The following CUX1 variants were observed in gnomAD, a reference collection of about 807,000 sequenced individuals.
CUX1 encodes cut like homeobox 1.
In CUX1, 31 loss-of-function variants were observed where a neutral mutation model predicts 158.8. That is an observed-to-expected ratio of 0.20 (90% CI 0.15 to 0.26). The LOEUF (loss-of-function observed/expected upper bound fraction) is 0.26, where lower values mean the gene tolerates loss of function less well. Among genes scored for constraint, CUX1 ranks in the 10% least tolerant of loss-of-function variants. CUX1 has a pLI of 1.00. For synonymous variants in CUX1, 879 were observed against 862.1 expected (o/e 1.02, Z -0.34); for missense variants, 1,589 against 2,014.6 (o/e 0.79, Z 4.04).
At chr7:101,986,223 G>A (rs570756074) in intron 2 of CUX1, among the ~76,000 whole-genome samples, 2 of 152,330 alleles carry the variant, frequency 1.3e-5, no homozygotes, top group Admixed American at 1.3e-4. Flanking sequence ...AGGCACTGGG[G>A]TCGGATCTTC....
intron 8 of CUX1, 181 bp downstream of exon 8, chr7:102,115,454 A>T: frequency 3.9e-6 from 2 of 509,746 alleles, no homozygotes; most frequent in Non-Finnish European, 6.8e-6. Context: ...TCCTTCCAAC[A>T]AACTTCTTTC....
rs561801295 is a variant in CUX1, at chr7:102,005,688, C to A, written c.142-22410C>A. Among the ~76,000 whole-genome samples, 5 of 152,216 alleles carry A rather than the reference C, an allele frequency of 3.3e-5. No homozygotes were observed. In the East Asian group the frequency reaches 7.8e-4, roughly 24 times the overall value. On this transcript the variant is annotated intron_variant, in intron 2 of 23. Coordinates refer to ENST00000292535, the MANE Select transcript of CUX1 (RefSeq NM_181552.4). Reference sequence around the variant, plus strand: ...ACTGCGTGATTCCCAAAGCTTCACCCCACTGATGCTGGGTTCCCCTCCTCT... The same window carrying A: ...ACTGCGTGATTCCCAAAGCTTCACCACACTGATGCTGGGTTCCCCTCCTCT...
At chr7:102,178,431 G>C (rs1554512651) in intron 10 of CUX1, 38 bp from the exon 11 acceptor site, 2 of 1,556,104 alleles carry the variant, frequency 1.3e-6, no homozygotes, top group East Asian at 4.5e-5. Flanking sequence ...CCCGCCTCAA[G>C]GCCAGCGCAG....
chr7:102,187,064 C>T (rs1325123979), intron 11 of CUX1: 2 of 151,892 alleles, frequency 1.3e-5, no homozygotes, highest in Non-Finnish European at 2.9e-5. Context: ...ACTTAGGCAG[C>T]CTTTGTTGAC....
At chr7:101,849,371 C>A (rs866110020) in intron 1 of CUX1, among the ~76,000 whole-genome samples, 2 of 151,918 alleles carry the variant, frequency 1.3e-5, no homozygotes, top group Non-Finnish European at 2.9e-5. Flanking sequence ...TTTTTCCCCC[C>A]TCTCTGTGTC....
intron 8 of CUX1, among the ~76,000 whole-genome samples, chr7:102,119,287 C>T (rs1415208718): frequency 1.1e-5 from 1 of 87,440 alleles, no homozygotes; most frequent in African/African-American, 6.9e-5. Flanking sequence ...GTACCCATCC[C>T]TCTCCCGTTT....
At chr7:101,945,418 G>C (rs1808247286) in intron 2 of CUX1, among the ~76,000 whole-genome samples, 1 of 152,194 alleles carries the variant, frequency 6.6e-6, no homozygotes, top group Non-Finnish European at 1.5e-5. Context: ...TTTCCTCGCT[G>C]TTGCATTTTG....
At chr7:102,013,567 A>T (rs571504693) in intron 2 of CUX1, among the ~76,000 whole-genome samples, 1 of 152,372 alleles carries the variant, frequency 6.6e-6, no homozygotes, top group South Asian at 2.1e-4. Flanking sequence ...GACCAAACAC[A>T]TAATAATTCT....
At chr7:102,195,463 G>T in intron 13 of CUX1, 44 bp from the exon 14 acceptor site, 1 of 1,523,788 alleles carries the variant, frequency 6.6e-7, no homozygotes, top group East Asian at 2.3e-5. Context: ...GGGAGCGGGT[G>T]AGTGGCCGGC....
At chr7:101,984,089 A>AAAAAAAAAAATAT (rs1221503978) in intron 2 of CUX1, among the ~76,000 whole-genome samples, 4 of 29,842 alleles carry the variant, frequency 1.3e-4, no homozygotes, top group African/African-American at 4.9e-4. Flanking sequence ...AAAAAAAAAA[A>AAAAAAAAAAATAT]ATATATATAT....
At chr7:102,234,555 A>G (rs1554531941) in intron 22 of CUX1, among the ~76,000 whole-genome samples, 1 of 152,156 alleles carries the variant, frequency 6.6e-6, no homozygotes. Flanking sequence ...TGATCGGGCT[A>G]TCACAGCATT....
rs536881390 is a variant in CUX1 at position 102,041,313 on chromosome 7, T to C, written c.189+13168T>C. Among the ~76,000 whole-genome samples the C allele has an allele frequency of 5.4e-5, 7 of 130,186 alleles. No homozygotes were observed. The South Asian group carries it at 1.9e-3, about 36-fold the overall frequency. 85.4% of individuals were successfully genotyped at this position (130,186 alleles called of 152,430 possible). A position where few individuals can be genotyped will look rare whatever the true frequency, so the allele number is the denominator to read the frequency against. On this transcript the variant is annotated intron_variant, in intron 3 of 23. Coordinates refer to ENST00000292535, the MANE Select transcript of CUX1 (RefSeq NM_181552.4). ...TAGAGTCTCTCTGTGTCACCCAGGCTGGAGTGCAGTGGCTCACCATAATCT... is the reference window on the plus strand; with the variant it reads ...TAGAGTCTCTCTGTGTCACCCAGGCCGGAGTGCAGTGGCTCACCATAATCT...
At chr7:101,852,380 G>A (rs1300042007) in intron 1 of CUX1, among the ~76,000 whole-genome samples, 1 of 151,908 alleles carries the variant, frequency 6.6e-6, no homozygotes, top group East Asian at 2.0e-4. Flanking sequence ...CACTTTGGGA[G>A]GCCAAGGTGG....
At chr7:102,182,769 T>C (rs562430100) in intron 11 of CUX1, among the ~76,000 whole-genome samples, 2 of 152,332 alleles carry the variant, frequency 1.3e-5, no homozygotes, top group South Asian at 4.1e-4. Flanking sequence ...AATGCTTTAA[T>C]ATAGAAGCAG....
At chr7:102,138,897 A>T (rs1834164919) in intron 8 of CUX1, among the ~76,000 whole-genome samples, 1 of 152,190 alleles carries the variant, frequency 6.6e-6, no homozygotes, top group Non-Finnish European at 1.5e-5. Flanking sequence ...CATTCTTCTC[A>T]TCACATTGTT....
chr7:102,069,971 G>A (rs1344847845), intron 3 of CUX1, among the ~76,000 whole-genome samples: 3 of 152,172 alleles, frequency 2.0e-5, no homozygotes, highest in Middle Eastern at 6.3e-3. Context: ...TCTGGGGGTA[G>A]GAACTGTCTC....
chr7:102,220,471 G>A (rs528770830), intron 20 of CUX1, among the ~76,000 whole-genome samples: 2 of 152,362 alleles, frequency 1.3e-5, no homozygotes, highest in Admixed American at 1.3e-4. Flanking sequence ...AGAGCACAGG[G>A]TCAGTTCCGG....
At chr7:102,189,979 C>T (rs987418674) in intron 12 of CUX1, 108 bp downstream of exon 12, 1 of 1,139,508 alleles carries the variant, frequency 8.8e-7, no homozygotes, top group Admixed American at 2.0e-5. Flanking sequence ...CCCTCTGGCT[C>T]AGCAGATGCC....
At chr7:101,816,848 C>T (rs1791868436), upstream of CUX1, 3 of 932,274 alleles carry the variant, frequency 3.2e-6, no homozygotes, top group Non-Finnish European at 3.8e-6. Flanking sequence ...CCGGCCCCGG[C>T]CGCCGCCCCC....
Sources: gnomAD v4.1 joint callset for allele counts (sites outside exome capture counted in the v4.1 genomes callset) on GRCh38, gnomAD v4.1.1 for gene constraint, MANE v1.5 for transcripts, NCBI Gene and HGNC (gene_info 2026-07-23, HGNC 2026-07-21) for gene names.